The following MAGI1 variants were observed in gnomAD, a reference collection of about 807,000 sequenced individuals.
The protein encoded by MAGI1 is membrane-associated guanylate kinase, WW and PDZ domain-containing protein 1.
MAGI1 carries 58 observed loss-of-function variants against 139.9 expected under a neutral mutation model. The ratio of observed to expected loss-of-function variants is 0.41; its 90% CI spans 0.34 to 0.52. The LOEUF is 0.52. Ranked by LOEUF, MAGI1 falls within the 20% of genes least tolerant of loss-of-function variation. MAGI1 has a pLI of 0.12. For missense variants in MAGI1, 1,874 were observed against 1,901.6 expected (o/e 0.99, Z 0.27); for synonymous variants, 812 against 737.9 (o/e 1.10, Z -1.63).
At chr3:65,401,372 T>TGCCCCCCCC in intron 13 of MAGI1, 67 bp downstream of exon 13, 1 of 778,312 alleles carries the variant, frequency 1.3e-6, no homozygotes, top group Non-Finnish European at 2.1e-6. Context: ...CAGAGTACCC[T>TGCCCCCCCC]CCCACCTCCA....
At chr3:65,782,983 C>T (rs2039058592) in intron 1 of MAGI1, among the ~76,000 whole-genome samples, 1 of 150,530 alleles carries the variant, frequency 6.6e-6, no homozygotes, top group African/African-American at 2.4e-5. Flanking sequence ...TCCCAAAGCA[C>T]CTTTAAAAAC....
At chr3:65,781,618 A>G (rs1005084959) in intron 1 of MAGI1, among the ~76,000 whole-genome samples, 11 of 152,236 alleles carry the variant, frequency 7.2e-5, no homozygotes, top group Admixed American at 6.5e-4. Context: ...TTCAAAGACC[A>G]AAGATATAAT....
At chr3:65,917,162 C>G (rs1249948477) in intron 1 of MAGI1, among the ~76,000 whole-genome samples, 1 of 152,296 alleles carries the variant, frequency 6.6e-6, no homozygotes, top group Middle Eastern at 3.4e-3. Context: ...TGAGGAGTTA[C>G]ATGGGGCTAC....
chr3:65,778,417 T>G (rs2038646245), intron 1 of MAGI1, among the ~76,000 whole-genome samples: 1 of 113,034 alleles, frequency 8.8e-6, no homozygotes, highest in Non-Finnish European at 1.8e-5. Context: ...GCAACAAGAG[T>G]GAAACTCTGT....
intron 10 of MAGI1, 49 bp from the exon 11 acceptor site, chr3:65,430,930 G>A (rs190356010): frequency 5.9e-5 from 91 of 1,550,586 alleles, no homozygotes; most frequent in Middle Eastern, 5.1e-4. Flanking sequence ...TGGTGAAAAG[G>A]AGAATTAAAC....
chr3:65,975,946 A>G (rs1362616809), intron 1 of MAGI1, among the ~76,000 whole-genome samples: 1 of 152,198 alleles, frequency 6.6e-6, no homozygotes, highest in Non-Finnish European at 1.5e-5. Context: ...AATTCAAGAG[A>G]AACAAATACC....
At position 66,038,121 on chromosome 3, in the gene MAGI1, C is replaced by G. The variant is rs2069045566; in HGVS notation, c.188G>C (p.Arg63Thr). The G allele has an allele frequency of 1.2e-6, 2 of 1,612,342 alleles. No individual in the cohort carries two copies. The highest frequency in any genetic ancestry group is 2.7e-5 in the African/African-American group (2 of 74,930). Reference sequence around the variant, plus strand: ...CAGAAGCAGCTCCCCTTCGCCCAGCCTCGGGCCCTCGCCGCCGCCGGGAAG... The same window carrying G: ...CAGAAGCAGCTCCCCTTCGCCCAGCGTCGGGCCCTCGCCGCCGCCGGGAAG... The part of the protein sequence containing the change: ...AGLPGGGEGP[R>T]LGEGELLLEV... Residue 63 changes from arginine (R) to threonine (T), a missense_variant, in exon 1 of 23, where the codon AGG becomes ACG. Physicochemically the swap from Arg to Thr is moderately conservative, Grantham distance 71. This residue lies in a region of MAGI1 where 648 missense variants were observed against 598.1 expected (regional missense o/e 1.08). Coordinates refer to ENST00000402939, the MANE Select transcript of MAGI1 (RefSeq NM_001033057.2).
chr3:65,819,875 C>CAAAAAAAAAAAAAAAA (rs3077818), intron 1 of MAGI1, among the ~76,000 whole-genome samples: 828 of 33,408 alleles, frequency 0.025, 157 homozygotes, highest in Middle Eastern at 0.074. Flanking sequence ...GACTCCATCT[C>CAAAAAAAAAAAAAAAA]AAAAAAAAAA....
At chr3:65,487,093 G>A (rs1951684286) in intron 3 of MAGI1, among the ~76,000 whole-genome samples, 1 of 152,212 alleles carries the variant, frequency 6.6e-6, no homozygotes, top group South Asian at 2.1e-4. Context: ...GTTGCCAGAT[G>A]AAATGCAAGA....
At chr3:65,815,717 T>TATGA (rs2041558906) in intron 1 of MAGI1, among the ~76,000 whole-genome samples, 1 of 152,166 alleles carries the variant, frequency 6.6e-6, no homozygotes, top group Non-Finnish European at 1.5e-5. Flanking sequence ...AAATATATTT[T>TATGA]TATTAAGGGC....
intron 7 of MAGI1, 43 bp downstream of exon 7, chr3:65,447,979 T>C: frequency 1.2e-6 from 2 of 1,609,932 alleles, no homozygotes; most frequent in Non-Finnish European, 1.7e-6. Flanking sequence ...GCAGGCCATG[T>C]CATGCACGTG....
At chr3:65,459,132 G>C (rs1195338869) in intron 5 of MAGI1, among the ~76,000 whole-genome samples, 1 of 152,082 alleles carries the variant, frequency 6.6e-6, no homozygotes, top group African/African-American at 2.4e-5. Flanking sequence ...ATTTGTTTCT[G>C]GTTCTCTATT....
intron 1 of MAGI1, among the ~76,000 whole-genome samples, chr3:65,869,901 C>T (rs571230229): frequency 1.2e-4 from 19 of 152,256 alleles, no homozygotes; most frequent in Non-Finnish European, 2.5e-4. Flanking sequence ...ATGTGCAGCA[C>T]GTGGCCCAGT....
At chr3:65,506,081 T>C (rs1358663366) in intron 2 of MAGI1, among the ~76,000 whole-genome samples, 1 of 152,140 alleles carries the variant, frequency 6.6e-6, no homozygotes, top group Non-Finnish European at 1.5e-5. Context: ...GATCTAAAGC[T>C]CTTTCAGAAT....
At chr3:65,795,251 T>A (rs1180457278) in intron 1 of MAGI1, among the ~76,000 whole-genome samples, 2 of 152,186 alleles carry the variant, frequency 1.3e-5, no homozygotes, top group Non-Finnish European at 2.9e-5. Context: ...ATAGCAACTT[T>A]ATCAGTAATA....
chr3:65,408,380 T>G (rs373615114), intron 12 of MAGI1, among the ~76,000 whole-genome samples: 49 of 152,344 alleles, frequency 3.2e-4, no homozygotes, highest in African/African-American at 1.0e-3. Flanking sequence ...CACAGGTAAT[T>G]TTCAGCAAAA....
intron 1 of MAGI1, among the ~76,000 whole-genome samples, chr3:66,010,418 G>T (rs1253712094): frequency 6.6e-6 from 1 of 152,058 alleles, no homozygotes; most frequent in African/African-American, 2.4e-5. Context: ...TTGAACTACG[G>T]AACTCTTAGC....
intron 1 of MAGI1, among the ~76,000 whole-genome samples, chr3:65,996,824 C>T (rs2066475160): frequency 6.6e-6 from 1 of 152,222 alleles, no homozygotes; most frequent in Non-Finnish European, 1.5e-5. Flanking sequence ...GAAATCAACA[C>T]CCTGAACTGA....
Position 65,480,964 on chromosome 3 carries a change from TACAC to T in MAGI1, c.551-2170_551-2167del, listed in dbSNP as rs1389418972. On this transcript the variant is annotated intron_variant, in intron 3 of 22. Transcript: ENST00000402939. The stretch of plus-strand genomic sequence containing the variant: ...TTTGAATCATCAAAATTTATAGAGA[TACAC>T]ACCCACTTTCTTTGAGAGGAGTGTA... 2.0e-5 allele frequency among the ~76,000 whole-genome samples: 3 copies of T among 152,296 alleles called. No individual in the cohort carries two copies. In the East Asian group the frequency reaches 5.8e-4, roughly 29 times the overall value.
Sources: allele counts gnomAD v4.1 joint callset (sites outside exome capture counted in the v4.1 genomes callset), GRCh38; gene constraint gnomAD v4.1.1; regional missense constraint gnomAD v4.1.1; transcripts MANE v1.5; gene names NCBI Gene and HGNC (gene_info 2026-07-23, HGNC 2026-07-21).